Variants in POP1 observed in about 807,000 individuals in gnomAD.
POP1 encodes POP1 ribonuclease P/MRP subunit, also known as ribonucleases P/MRP protein subunit POP1.
In POP1, 75 loss-of-function variants were observed where a neutral mutation model predicts 102.2. The ratio of observed to expected loss-of-function variants is 0.73; its 90% CI spans 0.61 to 0.89. The LOEUF (loss-of-function observed/expected upper bound fraction) is 0.89. POP1 is among the 40% of genes least tolerant of loss of function. The pLI, the probability that POP1 is intolerant of heterozygous loss-of-function variation, is 0.00. For synonymous variants in POP1, 436 were observed against 464.1 expected, an observed-to-expected ratio of 0.94 and a Z score of 0.78; for missense variants, 1,116 against 1,267.4, an observed-to-expected ratio of 0.88 and a Z score of 1.81.
At chr8:98,134,070 T>G in intron 6 of POP1, 34 bp downstream of exon 6, 1 of 1,445,066 alleles carries the variant, frequency 6.9e-7, no homozygotes, top group South Asian at 1.1e-5. Flanking sequence ...TCTATTTTAG[T>G]CTATGTATAT....
intron 12 of POP1, 58 bp from the exon 13 acceptor site, chr8:98,148,757 A>G (rs1809433242): frequency 2.1e-6 from 3 of 1,430,374 alleles, no homozygotes; most frequent in African/African-American, 1.4e-5. Flanking sequence ...AGGGAGACCC[A>G]GGAGGATCTC....
chr8:98,134,366 C>T, intron 6 of POP1, 106 bp from the exon 7 acceptor site: 2 of 1,196,174 alleles, frequency 1.7e-6, no homozygotes, highest in Non-Finnish European at 2.5e-6. Flanking sequence ...ACAACCAAAA[C>T]TTCACCTCTC....
intron 12 of POP1, among the ~76,000 whole-genome samples, chr8:98,147,564 C>G (rs985596384): frequency 1.3e-5 from 2 of 152,112 alleles, no homozygotes; most frequent in African/African-American, 4.8e-5. Context: ...AGATTTCACT[C>G]TGACAGCAGT....
chr8:98,134,496 G>A lies in POP1; in HGVS notation c.848G>A (p.Cys283Tyr). 6.2e-7 allele frequency: 1 copy of A among 1,614,182 alleles called. No homozygotes were observed. The highest frequency in any genetic ancestry group is 8.5e-7 in the Non-Finnish European group (1 of 1,180,032). The change falls in exon 7 of 16, where the codon TGC becomes TAC. Residue 283 changes from cysteine (C) to tyrosine (Y), a missense_variant. Coordinates refer to ENST00000401707, the MANE Select transcript of POP1 (RefSeq NM_001145860.2). ...GGGCTGACGTTTGCAGCAGTTCACT[G>A]CTTGTCTGGAAAGCGCCAAGGGAGC... is the stretch of plus-strand genomic sequence containing the variant. The part of the protein sequence containing the change: ...DTGLTFAAVH[C>Y]LSGKRQGSLV...
At chr8:98,150,695 CT>C in intron 14 of POP1, 56 bp downstream of exon 14, 1 of 1,537,972 alleles carries the variant, frequency 6.5e-7, no homozygotes, top group Non-Finnish European at 8.9e-7. Flanking sequence ...GAAGTGCCTG[CT>C]TATATTGGTA....
chr8:98,147,697 G>C (rs1809392549), intron 12 of POP1, among the ~76,000 whole-genome samples: 2 of 152,182 alleles, frequency 1.3e-5, no homozygotes, highest in Admixed American at 1.3e-4. Flanking sequence ...AGTGTGGCTA[G>C]AGTGGAGAGG....
chr8:98,125,133 A>G (rs1816157616), intron 2 of POP1, among the ~76,000 whole-genome samples: 1 of 152,102 alleles, frequency 6.6e-6, no homozygotes, highest in Non-Finnish European at 1.5e-5. Flanking sequence ...AAATAAGCAG[A>G]AACACTATAA....
At chr8:98,146,195 G>A (rs1180091246) in intron 11 of POP1, among the ~76,000 whole-genome samples, 1 of 152,130 alleles carries the variant, frequency 6.6e-6, no homozygotes, top group African/African-American at 2.4e-5. Flanking sequence ...CCTCCCAAGT[G>A]GCTAGAATTA....
chr8:98,151,525 C>T (rs866009319), intron 14 of POP1, among the ~76,000 whole-genome samples: 40 of 152,252 alleles, frequency 2.6e-4, no homozygotes, highest in African/African-American at 8.9e-4. Flanking sequence ...TTGTAGGCTC[C>T]CGGAAGCACA....
At chr8:98,151,237 G>A (rs902717186) in intron 14 of POP1, among the ~76,000 whole-genome samples, 1 of 152,028 alleles carries the variant, frequency 6.6e-6, no homozygotes, top group Admixed American at 6.5e-5. Flanking sequence ...ATGTGCCATT[G>A]TGCCTGGCTA....
chr8:98,140,951 G>A lies in POP1; in HGVS notation c.1594+63G>A, dbSNP rs931025315. The A allele has an allele frequency of 9.5e-5, 150 of 1,584,902 alleles. No homozygotes were observed. The Middle Eastern group carries it at 1.0e-3, about 11-fold the overall frequency. ...TTCGAGCAGTCCAGTCTTATTAGAAGAAGAGTTCTTTCTCTGACACCTCTC... is the reference window on the plus strand; with the variant it reads ...TTCGAGCAGTCCAGTCTTATTAGAAAAAGAGTTCTTTCTCTGACACCTCTC... On this transcript the variant is annotated intron_variant, in intron 11 of 15. Coordinates refer to ENST00000401707, the MANE Select transcript of POP1 (RefSeq NM_001145860.2).
In POP1 at chr8:98,156,268, T is replaced by C. The variant is rs1442101461; in HGVS notation, c.2276T>C (p.Val759Ala). 1.9e-6 allele frequency: 3 copies of C among 1,613,848 alleles called. No homozygotes were observed. In the African/African-American group the frequency reaches 4.0e-5, roughly 22 times the overall value. ...PKKTHQPSDE[V>A]GTSIEHPREA... ...AAAACTCATCAGCCATCTGATGAAG[T>C]GGGCACATCCATAGAGCACCCCAGG... Residue 759 changes from valine to alanine, a missense_variant, in exon 15 of 16, where the codon GTG (valine) becomes GCG (alanine). Coordinates refer to ENST00000401707, the MANE Select transcript of POP1 (RefSeq NM_001145860.2).
chr8:98,132,346 C>A (rs1816403931), intron 5 of POP1, among the ~76,000 whole-genome samples: 1 of 152,140 alleles, frequency 6.6e-6, no homozygotes, highest in Non-Finnish European at 1.5e-5. Flanking sequence ...TTGCCTGACT[C>A]CAGGGTTCCA....
At chr8:98,132,137 A>G (rs1363017602) in intron 5 of POP1, among the ~76,000 whole-genome samples, 1 of 152,240 alleles carries the variant, frequency 6.6e-6, no homozygotes, top group African/African-American at 2.4e-5. Flanking sequence ...AATAACAAAT[A>G]TTAGTGAGTG....
chr8:98,129,907 G>T, intron 4 of POP1, 71 bp from the exon 5 acceptor site: 2 of 1,529,850 alleles, frequency 1.3e-6, no homozygotes, highest in South Asian at 1.1e-5. Flanking sequence ...TTATTTGTTT[G>T]CATTCCTGAC....
chr8:98,154,128 C>T lies in POP1; in HGVS notation c.2058-1922C>T, dbSNP rs143959968. Among the ~76,000 whole-genome samples the T allele has an allele frequency of 2.0e-3, 304 of 152,162 alleles. 8 individuals carry two copies. The East Asian group carries it at 0.03, about 15-fold the overall frequency. On this transcript the variant is annotated intron_variant, in intron 14 of 15. Transcript: ENST00000401707. ...AAGCAGTTTCTGGGAGAGTGGAAGA[C>T]GGAATTGAGAGGAGAAACATGGGAT...
At chr8:98,135,483 T>G (rs1816508440) in intron 7 of POP1, among the ~76,000 whole-genome samples, 2 of 152,184 alleles carry the variant, frequency 1.3e-5, no homozygotes, top group Admixed American at 1.3e-4. Flanking sequence ...TCACACTGAA[T>G]TTAGCTTAGC....
At chr8:98,142,851 G>A (rs537649542) in intron 11 of POP1, among the ~76,000 whole-genome samples, 23 of 152,308 alleles carry the variant, frequency 1.5e-4, no homozygotes, top group African/African-American at 5.1e-4. Flanking sequence ...GCACTGATCT[G>A]CAGCAGACTT....
chr8:98,134,071 C>A, intron 6 of POP1, 35 bp downstream of exon 6: 1 of 1,440,914 alleles, frequency 6.9e-7, no homozygotes, highest in South Asian at 1.1e-5. Flanking sequence ...CTATTTTAGT[C>A]TATGTATATT....
Sources: allele counts gnomAD v4.1 joint callset (sites outside exome capture counted in the v4.1 genomes callset), GRCh38; gene constraint gnomAD v4.1.1; transcripts MANE v1.5; gene names NCBI Gene and HGNC (gene_info 2026-07-23, HGNC 2026-07-21).